Variants in ATAD2B observed in about 807,000 individuals in gnomAD.
ATAD2B encodes ATPase family AAA domain containing 2B.
ATAD2B carries 40 observed loss-of-function variants against 167.6 expected under a neutral mutation model. That is an observed-to-expected ratio of 0.24 (90% CI 0.19 to 0.31). The LOEUF (loss-of-function observed/expected upper bound fraction) is 0.31. Ranked by LOEUF, ATAD2B falls within the 10% of genes least tolerant of loss-of-function variation. ATAD2B has a pLI of 1.00. For synonymous variants in ATAD2B, 579 were observed against 596.5 expected (o/e 0.97, Z 0.43); for missense variants, 1,242 against 1,757.2 (o/e 0.71, Z 5.24).
chr2:23,733,341 C>A, the ATAD2B span, among the ~76,000 whole-genome samples: 1 of 152,132 alleles, frequency 6.6e-6, no homozygotes, highest in Non-Finnish European at 1.5e-5. Flanking sequence ...TCCTCAAGTT[C>A]CGTGACCCCA....
At chr2:23,782,843 G>T in intron 22 of ATAD2B, 26 bp downstream of exon 22, 2 of 1,578,106 alleles carry the variant, frequency 1.3e-6, no homozygotes, top group South Asian at 1.2e-5. Context: ...GATTATCAAG[G>T]GGAACCTTGC....
chr2:23,920,165 A>G (rs77722045), intron 1 of ATAD2B, among the ~76,000 whole-genome samples: 1 of 145,616 alleles, frequency 6.9e-6, no homozygotes, highest in African/African-American at 2.6e-5. Flanking sequence ...AAAAAAAAAA[A>G]GGTATTAATT....
the ATAD2B span, among the ~76,000 whole-genome samples, chr2:23,723,958 TG>T: frequency 6.8e-4 from 104 of 152,346 alleles, 3 homozygotes; most frequent in South Asian, 0.021. Context: ...AATGAAATCC[TG>T]CCATTTGCAG....
chr2:23,774,544 C>T (rs554499840), intron 22 of ATAD2B, among the ~76,000 whole-genome samples: 1 of 152,322 alleles, frequency 6.6e-6, no homozygotes, highest in African/African-American at 2.4e-5. Flanking sequence ...CATATTTCTA[C>T]AGAATGTTAC....
chr2:23,792,990 A>AAAAAAAAAAAAC (rs1682041894), intron 19 of ATAD2B, among the ~76,000 whole-genome samples: 3 of 148,950 alleles, frequency 2.0e-5, no homozygotes, highest in African/African-American at 7.4e-5. Context: ...AAAAAAAAAA[A>AAAAAAAAAAAAC]CTTGAGAAGA....
the ATAD2B span, among the ~76,000 whole-genome samples, chr2:23,712,566 C>G: frequency 6.6e-6 from 1 of 152,126 alleles, no homozygotes; most frequent in Non-Finnish European, 1.5e-5. Context: ...GAGGGGAGAA[C>G]AGCATAAGTG....
intron 18 of ATAD2B, among the ~76,000 whole-genome samples, chr2:23,806,841 T>C (rs377041002): frequency 1.3e-5 from 2 of 152,124 alleles, no homozygotes; most frequent in African/African-American, 4.8e-5. Flanking sequence ...AGGCTCAGAG[T>C]GTTAAGCAAC....
At chr2:23,725,042 CAAAAAAAAAAAAA>C in the ATAD2B span, among the ~76,000 whole-genome samples, 1 of 71,688 alleles carries the variant, frequency 1.4e-5, no homozygotes, top group Non-Finnish European at 2.4e-5. Flanking sequence ...GACTCTGTCT[CAAAAAAAAAAAAA>C]AAAAAAAAAA....
At chr2:23,703,463 C>A in the ATAD2B span, 2 of 1,248,072 alleles carry the variant, frequency 1.6e-6, no homozygotes, top group South Asian at 1.6e-5. Flanking sequence ...GCCCAGAAGT[C>A]AGGCTAAGCC....
chr2:23,825,851 A>G (rs541252760), intron 15 of ATAD2B, among the ~76,000 whole-genome samples: 7 of 152,196 alleles, frequency 4.6e-5, no homozygotes, highest in Non-Finnish European at 7.4e-5. Flanking sequence ...TGTTACCCAT[A>G]ACATTTATGT....
chr2:23,684,299 A>G, the ATAD2B span: 1 of 889,734 alleles, frequency 1.1e-6, no homozygotes, highest in Non-Finnish European at 1.6e-6. The surrounding 1 kb of genome is among the most constrained non-coding windows in gnomAD (Gnocchi z 4.4). Context: ...AGTATTTCCT[A>G]TTTCTCTACT....
Position 23,906,206 on chromosome 2 carries a change from T to A in ATAD2B, c.217-10236A>T, listed in dbSNP as rs563293454. ...ACAAAAAAAAATTGGCCGGGTTTGG[T>A]GGTGGGCGCCTGTAATCCCAGCTAC... On this transcript the variant is annotated intron_variant, in intron 1 of 27. Transcript: ENST00000238789. Among the ~76,000 whole-genome samples the A allele has an allele frequency of 2.0e-5, 3 of 151,464 alleles. No homozygotes were observed. In the South Asian group the frequency reaches 6.3e-4, roughly 32 times the overall value.
intron 13 of ATAD2B, among the ~76,000 whole-genome samples, chr2:23,845,064 AG>A (rs1474552654): frequency 1.3e-5 from 2 of 152,176 alleles, no homozygotes; most frequent in African/African-American, 4.8e-5. Flanking sequence ...AGAAGAAGAA[AG>A]ACCAACATCT....
the ATAD2B span, among the ~76,000 whole-genome samples, chr2:23,678,931 T>C: frequency 6.6e-6 from 1 of 151,992 alleles, no homozygotes; most frequent in African/African-American, 2.4e-5. Context: ...AGTGGTTGTT[T>C]AATGGGTGTG....
At chr2:23,873,626 T>C (rs1053563691) in intron 8 of ATAD2B, among the ~76,000 whole-genome samples, 3 of 152,236 alleles carry the variant, frequency 2.0e-5, no homozygotes, top group Admixed American at 6.5e-5. Context: ...CTGTATTTTT[T>C]GTTGTTGTAT....
At chr2:23,719,162 G>A in the ATAD2B span, among the ~76,000 whole-genome samples, 2 of 152,190 alleles carry the variant, frequency 1.3e-5, no homozygotes, top group African/African-American at 4.8e-5. Context: ...CAGGAACTAG[G>A]CCAGGACTTT....
intron 17 of ATAD2B, among the ~76,000 whole-genome samples, chr2:23,818,120 CATT>C (rs75873174): frequency 0.055 from 4,067 of 73,312 alleles, 160 homozygotes; most frequent in African/African-American, 0.073. Flanking sequence ...CACACACACA[CATT>C]ACACACACAC....
At chr2:23,911,289 T>C (rs537490206) in intron 1 of ATAD2B, among the ~76,000 whole-genome samples, 1 of 151,774 alleles carries the variant, frequency 6.6e-6, no homozygotes, top group Non-Finnish European at 1.5e-5. Flanking sequence ...GCACAGTGGC[T>C]TACACCTGTA....
rs567851343 is a variant in ATAD2B, at chr2:23,836,599, T to C, written c.1569-2521A>G. Among the ~76,000 whole-genome samples the C allele has an allele frequency of 4.6e-5, 7 of 152,268 alleles. No individual in the cohort carries two copies. In the South Asian group the frequency reaches 1.5e-3, roughly 32 times the overall value. ...GTGAGCAAGGCGAAGAAGAGCTTTA[T>C]TGAGTGACAGAATAGCTCAGAGGAG... On this transcript the variant is annotated intron_variant, in intron 13 of 27. Transcript: ENST00000238789.
Sources: gnomAD v4.1 joint callset for allele counts (sites outside exome capture counted in the v4.1 genomes callset) on GRCh38, gnomAD v4.1.1 for gene constraint, Gnocchi (gnomAD v3.1) non-coding constraint, MANE v1.5 for transcripts, NCBI Gene and HGNC (gene_info 2026-07-23, HGNC 2026-07-21) for gene names.